The following MTARC1 variants were observed in gnomAD, a reference collection of about 807,000 sequenced individuals.
MTARC1 encodes the protein mitochondrial amidoxime reducing component 1, also known as mitochondrial amidoxime-reducing component 1.
A neutral mutation model predicts 33.6 loss-of-function variants in MTARC1; 24 were observed. That is an observed-to-expected ratio of 0.72 (90% CI 0.52 to 1.01). MTARC1 has a LOEUF of 1.01. MTARC1 is among the 50% of genes least tolerant of loss of function. The pLI is 0.00. For missense variants in MTARC1, 417 were observed against 445.7 expected, an observed-to-expected ratio of 0.94 and a Z score of 0.58; for synonymous variants, 187 against 189.5, an observed-to-expected ratio of 0.99 and a Z score of 0.11.
At chr1:220,801,138 G>A (rs1384163265) in intron 4 of MTARC1, among the ~76,000 whole-genome samples, 2 of 152,158 alleles carry the variant, frequency 1.3e-5, no homozygotes, top group Non-Finnish European at 2.9e-5. Context: ...TTGCCTGGAA[G>A]GCCCAACATG....
chr1:220,798,558 T>G (rs1192807544), intron 4 of MTARC1: 2 of 985,340 alleles, frequency 2.0e-6, no homozygotes, highest in East Asian at 1.1e-4. Flanking sequence ...GAGGCTTGGT[T>G]TCTGGGATTC....
chr1:220,806,770 A>C (rs1369990292), intron 6 of MTARC1, among the ~76,000 whole-genome samples: 1 of 152,222 alleles, frequency 6.6e-6, no homozygotes, highest in African/African-American at 2.4e-5. Context: ...TATAGGAGAT[A>C]AGTCCCAGAG....
chr1:220,809,750 C>T (rs1399018099), intron 6 of MTARC1, among the ~76,000 whole-genome samples: 4 of 152,204 alleles, frequency 2.6e-5, no homozygotes, highest in South Asian at 2.1e-4. Flanking sequence ...CCTCAGGTGA[C>T]GTGTCTGCCT....
chr1:220,788,225 C>T (rs903266983), intron 1 of MTARC1, among the ~76,000 whole-genome samples: 3 of 152,142 alleles, frequency 2.0e-5, no homozygotes, highest in Non-Finnish European at 4.4e-5. Context: ...GCGTGGATTC[C>T]TGGGGTTCAG....
chr1:220,791,663 A>G lies in MTARC1; in HGVS notation c.448A>G (p.Arg150Gly). The G allele has an allele frequency of 1.2e-6, 2 of 1,613,938 alleles. No homozygotes were observed. The highest frequency in any genetic ancestry group is 1.7e-6 in the Non-Finnish European group (2 of 1,179,854). Reference protein sequence around the residue: ...TPTTNAVHKCRVHGLEIEGRD... With the variant: ...TPTTNAVHKCGVHGLEIEGRD... Reference sequence around the variant, plus strand: ...CACCACAAATGCAGTGCACAAGTGCAGGTAAGGAAAGGGCAGGTCGTAGCC... The same window carrying G: ...CACCACAAATGCAGTGCACAAGTGCGGGTAAGGAAAGGGCAGGTCGTAGCC... Residue 150 changes from arginine to glycine, a missense_variant and splice_region_variant, in exon 2 of 7, where the codon AGA (arginine) becomes GGA (glycine). Coordinates refer to ENST00000366910, the MANE Select transcript of MTARC1 (RefSeq NM_022746.4).
intron 4 of MTARC1, among the ~76,000 whole-genome samples, chr1:220,799,362 C>T (rs1465835834): frequency 1.3e-5 from 2 of 152,120 alleles, no homozygotes; most frequent in Admixed American, 6.5e-5. Flanking sequence ...TTCTGCCTGT[C>T]CTGCTCCTGT....
intron 6 of MTARC1, among the ~76,000 whole-genome samples, chr1:220,806,529 G>T (rs1375170581): frequency 6.6e-6 from 1 of 152,206 alleles, no homozygotes; most frequent in African/African-American, 2.4e-5. Flanking sequence ...ACGTGAGGTT[G>T]TCTGCCTCCC....
intron 3 of MTARC1, among the ~76,000 whole-genome samples, 163 bp downstream of exon 3, chr1:220,796,968 T>C (rs193142740): frequency 4.6e-5 from 7 of 152,284 alleles, no homozygotes; most frequent in Admixed American, 2.6e-4. Context: ...CTTGGAAGCA[T>C]TGTTTGTTTC....
In MTARC1 at chr1:220,796,676, T is replaced by C. The variant is rs1423547207; in HGVS notation, c.483T>C (p.Cys161=). Residue 161 remains cysteine (C), a synonymous_variant, in exon 3 of 7, where the codon TGT becomes TGC. Transcript: ENST00000366910. The stretch of plus-strand genomic sequence containing the variant: ...GCCTGGAGATAGAGGGCAGGGACTG[T>C]GGCGAGGCCACCGCCCAGTGGATAA... ...VHGLEIEGRD[C]GEATAQWITS... is the part of the protein sequence containing the mutation. 6.2e-7 allele frequency: 1 copy of C among 1,611,346 alleles called. No homozygotes were observed. The highest frequency in any genetic ancestry group is 1.1e-5 in the South Asian group (1 of 90,464).
At chr1:220,798,486 T>C in intron 4 of MTARC1, 1 of 985,460 alleles carries the variant, frequency 1.0e-6, no homozygotes, top group Non-Finnish European at 1.2e-6. Flanking sequence ...CCTGAAATGC[T>C]TGCAGTGCCA....
intron 4 of MTARC1, among the ~76,000 whole-genome samples, chr1:220,802,917 C>T (rs754329787): frequency 3.9e-5 from 6 of 152,206 alleles, no homozygotes; most frequent in Non-Finnish European, 8.8e-5. Context: ...AACAAATCAT[C>T]AGTGTTGCTG....
intron 6 of MTARC1, among the ~76,000 whole-genome samples, chr1:220,810,354 G>T (rs1052058830): frequency 2.6e-5 from 4 of 152,164 alleles, no homozygotes; most frequent in Non-Finnish European, 5.9e-5. Context: ...CCCACAGCCT[G>T]GAGGCGGGCT....
chr1:220,818,453 A>G lies in MTARC1; in HGVS notation c.*5035A>G, dbSNP rs1673324481. 2 of 152,280 alleles carry G rather than the reference A, an allele frequency of 1.3e-5. No individual in the cohort carries two copies. The highest frequency in any genetic ancestry group is 1.3e-4 in the Admixed American group (2 of 15,300). The allele number at this position is 152,280 out of a possible 1,614,324, so 9.4% of individuals were successfully genotyped here. ...TGATAGGCAGGTCAAATTCACTCAC[A>G]TTTGGTTATTTGTTGGCCAGTCTAG... On this transcript the variant is annotated 3_prime_UTR_variant, in exon 7 of 7. Coordinates refer to ENST00000366910, the MANE Select transcript of MTARC1 (RefSeq NM_022746.4).
intron 6 of MTARC1, among the ~76,000 whole-genome samples, chr1:220,806,847 G>A (rs760996707): frequency 8.5e-5 from 13 of 152,350 alleles, no homozygotes; most frequent in Admixed American, 3.3e-4. Flanking sequence ...CAGAGAGACA[G>A]TGGTCAGCAG....
At chr1:220,812,476 G>T (rs1673165192) in intron 6 of MTARC1, among the ~76,000 whole-genome samples, 1 of 152,242 alleles carries the variant, frequency 6.6e-6, no homozygotes, top group Non-Finnish European at 1.5e-5. Flanking sequence ...GTCTGAGCAT[G>T]CTGGAAGCAA....
At chr1:220,807,573 A>C (rs1558092980) in intron 6 of MTARC1, among the ~76,000 whole-genome samples, 2 of 151,720 alleles carry the variant, frequency 1.3e-5, no homozygotes, top group African/African-American at 2.4e-5. Context: ...ACAGAGTGAG[A>C]CTCTGTCTCA....
At chr1:220,805,825 T>C (rs1048679790) in intron 6 of MTARC1, among the ~76,000 whole-genome samples, 1 of 152,220 alleles carries the variant, frequency 6.6e-6, no homozygotes, top group Non-Finnish European at 1.5e-5. Context: ...TATGTTTACT[T>C]TAAAATTTCT....
chr1:220,792,561 T>A (rs1436165885), intron 2 of MTARC1, among the ~76,000 whole-genome samples: 1 of 152,116 alleles, frequency 6.6e-6, no homozygotes, highest in Non-Finnish European at 1.5e-5. Context: ...TTTTAGAGTT[T>A]TAAACTTGAT....
chr1:220,803,454 A>G (rs1001222468), intron 4 of MTARC1, among the ~76,000 whole-genome samples: 2 of 152,160 alleles, frequency 1.3e-5, no homozygotes, highest in Non-Finnish European at 2.9e-5. Context: ...GGTCACTGAG[A>G]ATCTTACTCC....
Sources: allele counts gnomAD v4.1 joint callset (sites outside exome capture counted in the v4.1 genomes callset), GRCh38; gene constraint gnomAD v4.1.1; transcripts MANE v1.5; gene names NCBI Gene and HGNC (gene_info 2026-07-23, HGNC 2026-07-21).